Variants in CTNND2 observed in about 807,000 individuals in gnomAD.
CTNND2 encodes the protein catenin delta 2, also known as catenin delta-2.
CTNND2 carries 22 observed loss-of-function variants against 144.4 expected under a neutral mutation model. The observed-to-expected ratio is 0.15, with a 90% CI of 0.11 to 0.22. CTNND2 has a LOEUF of 0.22. Among genes scored for constraint, CTNND2 ranks in the 10% least tolerant of loss-of-function variants. The pLI is 1.00. For missense variants in CTNND2, 1,353 were observed against 1,618.8 expected, an observed-to-expected ratio of 0.84 and a Z score of 2.82; for synonymous variants, 751 against 695.6, an observed-to-expected ratio of 1.08 and a Z score of -1.25.
intron 8 of CTNND2, among the ~76,000 whole-genome samples, chr5:11,361,702 C>T (rs1756471753): frequency 6.6e-6 from 1 of 152,222 alleles, no homozygotes; most frequent in Non-Finnish European, 1.5e-5. Context: ...TTTTAGGCTC[C>T]ACCTACCACC....
intron 1 of CTNND2, among the ~76,000 whole-genome samples, chr5:11,791,471 G>A (rs112497127): frequency 3.3e-4 from 51 of 152,296 alleles, no homozygotes; most frequent in African/African-American, 1.2e-3. Flanking sequence ...GGAAATGGCC[G>A]AAAGGGTCAG....
chr5:11,544,718 C>T (rs1306274366), intron 3 of CTNND2, among the ~76,000 whole-genome samples: 2 of 152,162 alleles, frequency 1.3e-5, no homozygotes, highest in African/African-American at 4.8e-5. Context: ...CATGGTGGCT[C>T]ATGCCTGTAA....
At chr5:11,759,625 A>G (rs1789146239) in intron 1 of CTNND2, among the ~76,000 whole-genome samples, 1 of 152,184 alleles carries the variant, frequency 6.6e-6, no homozygotes, top group Non-Finnish European at 1.5e-5. Context: ...TGATCTCAGC[A>G]TGTATGCTAA....
At chr5:11,664,291 G>A (rs536961986) in intron 2 of CTNND2, among the ~76,000 whole-genome samples, 1 of 152,172 alleles carries the variant, frequency 6.6e-6, no homozygotes, top group Non-Finnish European at 1.5e-5. Flanking sequence ...GTATTAAGAC[G>A]ACTTAAAAAT....
At chr5:11,104,566 T>C (rs538189000) in intron 14 of CTNND2, among the ~76,000 whole-genome samples, 1 of 151,968 alleles carries the variant, frequency 6.6e-6, no homozygotes, top group South Asian at 2.1e-4. Flanking sequence ...GGGTTAAAGG[T>C]GGAAGGATAG....
At chr5:11,313,592 T>C (rs258627) in intron 9 of CTNND2, among the ~76,000 whole-genome samples, 3 of 151,960 alleles carry the variant, frequency 2.0e-5, no homozygotes, top group Non-Finnish European at 2.9e-5. Flanking sequence ...ATCCTGGGCA[T>C]AGAGCAGCCA....
chr5:11,338,993 A>T (rs1327837179), intron 9 of CTNND2, among the ~76,000 whole-genome samples: 6 of 302 alleles, frequency 0.02, 3 homozygotes, highest in Non-Finnish European at 0.029. Context: ...GCTGGAGTGC[A>T]GTGGCGCAAT....
intron 2 of CTNND2, among the ~76,000 whole-genome samples, chr5:11,656,455 T>G (rs1294927143): frequency 1.3e-5 from 2 of 151,564 alleles, no homozygotes; most frequent in East Asian, 3.9e-4. Context: ...CCAGAGTCAC[T>G]ATGCAACCTC....
intron 10 of CTNND2, among the ~76,000 whole-genome samples, chr5:11,207,440 C>T (rs1466923743): frequency 6.6e-6 from 1 of 151,100 alleles, no homozygotes; most frequent in Admixed American, 6.6e-5. Flanking sequence ...TTTATTATAT[C>T]AATTACATAT....
chr5:11,286,260 C>T (rs183583085), intron 9 of CTNND2, among the ~76,000 whole-genome samples: 4 of 152,028 alleles, frequency 2.6e-5, no homozygotes, highest in Admixed American at 1.3e-4. Flanking sequence ...AGACATGCCA[C>T]CAGTTGGAAG....
intron 2 of CTNND2, among the ~76,000 whole-genome samples, chr5:11,672,613 C>T (rs192290805): frequency 6.6e-6 from 1 of 152,256 alleles, no homozygotes; most frequent in Non-Finnish European, 1.5e-5. Flanking sequence ...CAATGGCGGA[C>T]GCCCCTCCCC....
chr5:11,513,139 T>G (rs779682737), intron 3 of CTNND2, among the ~76,000 whole-genome samples: 5 of 152,154 alleles, frequency 3.3e-5, no homozygotes, highest in Non-Finnish European at 7.4e-5. Context: ...AGGGGACACA[T>G]GCAGACCAGG....
At chr5:11,057,630 A>G (rs965732698) in intron 16 of CTNND2, among the ~76,000 whole-genome samples, 6 of 152,244 alleles carry the variant, frequency 3.9e-5, no homozygotes, top group Admixed American at 2.0e-4. Flanking sequence ...AATACAATAC[A>G]TTGGTACCAG....
At position 10,994,929 on chromosome 5, in the gene CTNND2, G is replaced by A. The variant is rs114247955; in HGVS notation, c.3085-2252C>T. On this transcript the variant is annotated intron_variant, in intron 18 of 21. Transcript: ENST00000304623. ...GGCATGGCTATTGGTGTGGGAAAGAGGAATCAAGCCTTACCGCAGTGCTTC... is the reference window on the plus strand; with the variant it reads ...GGCATGGCTATTGGTGTGGGAAAGAAGAATCAAGCCTTACCGCAGTGCTTC... Among the ~76,000 whole-genome samples, 422 of 152,218 alleles carry A rather than the reference G, an allele frequency of 2.8e-3. 1 individual carries two copies. Among genetic ancestry groups the A allele is most frequent in the African/African-American group, 1.0e-2 (415 of 41,516 alleles).
At chr5:11,035,709 G>T (rs1170758088) in intron 16 of CTNND2, among the ~76,000 whole-genome samples, 3 of 152,202 alleles carry the variant, frequency 2.0e-5, no homozygotes, top group Non-Finnish European at 2.9e-5. Flanking sequence ...TATCGAGGAA[G>T]AAAGTGTGTC....
chr5:11,089,409 C>A (rs1468848266), intron 15 of CTNND2, among the ~76,000 whole-genome samples: 1 of 152,224 alleles, frequency 6.6e-6, no homozygotes, highest in African/African-American at 2.4e-5. Flanking sequence ...GCACATACTG[C>A]TATAGCAGCA....
At chr5:11,191,066 G>A (rs1292467538) in intron 11 of CTNND2, among the ~76,000 whole-genome samples, 3 of 152,142 alleles carry the variant, frequency 2.0e-5, no homozygotes. Flanking sequence ...CATCCCAGCA[G>A]TAAAAAGAAG....
chr5:11,201,911 T>G (rs1737483070), intron 10 of CTNND2, among the ~76,000 whole-genome samples: 1 of 152,228 alleles, frequency 6.6e-6, no homozygotes, highest in South Asian at 2.1e-4. Context: ...GTCTTGTTCA[T>G]GTACCCAGAT....
intron 2 of CTNND2, among the ~76,000 whole-genome samples, chr5:11,731,141 T>G (rs1019624208): frequency 6.6e-6 from 1 of 152,168 alleles, no homozygotes; most frequent in Non-Finnish European, 1.5e-5. Flanking sequence ...CTCCCTTGAG[T>G]ACCTACTTAG....
Sources: allele counts gnomAD v4.1 joint callset (sites outside exome capture counted in the v4.1 genomes callset), GRCh38; gene constraint gnomAD v4.1.1; transcripts MANE v1.5; gene names NCBI Gene and HGNC (gene_info 2026-07-23, HGNC 2026-07-21).